LRRTM4: variants seen among roughly 807,000 people sequenced by gnomAD.
LRRTM4 encodes leucine-rich repeat transmembrane neuronal protein 4.
A neutral mutation model predicts 47.6 loss-of-function variants in LRRTM4; 25 were observed. The ratio of observed to expected loss-of-function variants is 0.53; its 90% CI spans 0.38 to 0.73. The LOEUF (loss-of-function observed/expected upper bound fraction) is 0.73, where lower values mean the gene tolerates loss of function less well. Ranked by LOEUF, LRRTM4 falls within the 30% of genes least tolerant of loss-of-function variation. LRRTM4 has a pLI of 0.00. For missense variants in LRRTM4, 638 were observed against 713.4 expected (o/e 0.89, Z 1.20); for synonymous variants, 311 against 269.5 (o/e 1.15, Z -1.51).
intron 3 of LRRTM4, among the ~76,000 whole-genome samples, chr2:77,354,693 T>C (rs1026626529): frequency 6.6e-6 from 1 of 152,166 alleles, no homozygotes; most frequent in African/African-American, 2.4e-5. Flanking sequence ...AGGACATTAA[T>C]TATGCCTCAG....
At chr2:77,517,703 A>AG in intron 3 of LRRTM4, 4 of 984,254 alleles carry the variant, frequency 4.1e-6, no homozygotes, top group Non-Finnish European at 4.8e-6. Context: ...AACAAAAAAA[A>AG]AAAAAGAAAG....
intron 3 of LRRTM4, among the ~76,000 whole-genome samples, chr2:77,219,393 A>G (rs1472455923): frequency 6.6e-6 from 1 of 152,196 alleles, no homozygotes; most frequent in South Asian, 2.1e-4. Flanking sequence ...AAAACACCAG[A>G]AGGCCTCAAA....
At chr2:77,131,464 CTT>C (rs1671801498) in intron 3 of LRRTM4, among the ~76,000 whole-genome samples, 1 of 152,178 alleles carries the variant, frequency 6.6e-6, no homozygotes, top group African/African-American at 2.4e-5. Context: ...GTTAGCCTGT[CTT>C]TTGCTCAGTA....
At chr2:76,881,685 G>C (rs574367780) in intron 3 of LRRTM4, among the ~76,000 whole-genome samples, 1 of 151,274 alleles carries the variant, frequency 6.6e-6, no homozygotes, top group Admixed American at 6.6e-5. Flanking sequence ...AGCTTCTTTA[G>C]TTTCTGTTAG....
At chr2:77,190,396 G>C (rs1198081499) in intron 3 of LRRTM4, among the ~76,000 whole-genome samples, 1 of 148,298 alleles carries the variant, frequency 6.7e-6, no homozygotes, top group Non-Finnish European at 1.5e-5. Context: ...CCCAGTTCAA[G>C]CAATTCTCTT....
chr2:76,930,335 C>A (rs181827895), intron 3 of LRRTM4, among the ~76,000 whole-genome samples: 1 of 152,022 alleles, frequency 6.6e-6, no homozygotes, highest in East Asian at 1.9e-4. Context: ...TGCACGCATG[C>A]GTGCACACAC....
chr2:77,413,620 C>T (rs1674523558), intron 3 of LRRTM4, among the ~76,000 whole-genome samples: 1 of 152,146 alleles, frequency 6.6e-6, no homozygotes, highest in Non-Finnish European at 1.5e-5. Context: ...GGTGATTTCT[C>T]ACAGCAAATA....
At chr2:77,160,686 T>C (rs922923411) in intron 3 of LRRTM4, among the ~76,000 whole-genome samples, 10 of 152,208 alleles carry the variant, frequency 6.6e-5, no homozygotes, top group African/African-American at 2.4e-4. Flanking sequence ...AGAGTAGTCT[T>C]GATCATAGAC....
chr2:77,365,430 C>T (rs1476875667), intron 3 of LRRTM4, among the ~76,000 whole-genome samples: 1 of 151,796 alleles, frequency 6.6e-6, no homozygotes, highest in Non-Finnish European at 1.5e-5. Flanking sequence ...AATCAAGCAA[C>T]GTGAAAAGCT....
chr2:77,353,889 G>A (rs760868532), intron 3 of LRRTM4, among the ~76,000 whole-genome samples: 8 of 152,146 alleles, frequency 5.3e-5, no homozygotes, highest in Non-Finnish European at 1.0e-4. Context: ...GCAAGCCAGT[G>A]GTGGAAGATG....
chr2:76,889,389 A>G (rs1673179348), intron 3 of LRRTM4, among the ~76,000 whole-genome samples: 1 of 151,988 alleles, frequency 6.6e-6, no homozygotes, highest in African/African-American at 2.4e-5. Flanking sequence ...CTTAAAGAAA[A>G]CAAATGAGAA....
At chr2:77,124,833 T>A (rs1408028513) in intron 3 of LRRTM4, among the ~76,000 whole-genome samples, 1 of 152,124 alleles carries the variant, frequency 6.6e-6, no homozygotes, top group Non-Finnish European at 1.5e-5. Context: ...CTTCTTCAGG[T>A]CAATACTTAA....
At chr2:77,208,488 CTGAG>C (rs1674203425) in intron 3 of LRRTM4, among the ~76,000 whole-genome samples, 1 of 152,162 alleles carries the variant, frequency 6.6e-6, no homozygotes, top group African/African-American at 2.4e-5. Flanking sequence ...CTTCCACTCA[CTGAG>C]TGAGAAAAGG....
At chr2:76,795,831 A>AACAGCTCCTGTCT (rs1308366660) in intron 3 of LRRTM4, among the ~76,000 whole-genome samples, 11 of 152,058 alleles carry the variant, frequency 7.2e-5, no homozygotes, top group African/African-American at 2.2e-4. Context: ...GCCAAATAGG[A>AACAGCTCCTGTCT]ACAGCTCCTG....
chr2:76,936,245 CTACT>C (rs1674942432), intron 3 of LRRTM4, among the ~76,000 whole-genome samples: 1 of 152,072 alleles, frequency 6.6e-6, no homozygotes, highest in Non-Finnish European at 1.5e-5. Flanking sequence ...ATACCATGGA[CTACT>C]ATGCAGCCAT....
intron 3 of LRRTM4, among the ~76,000 whole-genome samples, chr2:76,971,519 G>A (rs1352740939): frequency 6.6e-6 from 1 of 152,052 alleles, no homozygotes; most frequent in Non-Finnish European, 1.5e-5. Context: ...CATCAGGGGT[G>A]TCTGTCTCAC....
chr2:77,369,552 G>A (rs1202367406), intron 3 of LRRTM4, among the ~76,000 whole-genome samples: 1 of 151,752 alleles, frequency 6.6e-6, no homozygotes, highest in Non-Finnish European at 1.5e-5. Context: ...CTGGGGTGGT[G>A]AGTAGATAAT....
intron 3 of LRRTM4, among the ~76,000 whole-genome samples, chr2:77,066,052 G>A (rs1558559330): frequency 2.0e-5 from 3 of 152,086 alleles, no homozygotes; most frequent in Admixed American, 6.6e-5. Context: ...CAGCTTCTCA[G>A]AGAAGAATAA....
At chr2:76,818,471 TAA>T (rs1328773191) in intron 3 of LRRTM4, among the ~76,000 whole-genome samples, 1 of 151,858 alleles carries the variant, frequency 6.6e-6, no homozygotes, top group Non-Finnish European at 1.5e-5. Flanking sequence ...CTCAAACTCC[TAA>T]GATTCCTCCT....
Sources: allele counts gnomAD v4.1 joint callset (sites outside exome capture counted in the v4.1 genomes callset), GRCh38; gene constraint gnomAD v4.1.1; transcripts MANE v1.5; gene names NCBI Gene and HGNC (gene_info 2026-07-23, HGNC 2026-07-21).